The following CDH6 variants were observed in gnomAD, a reference collection of about 807,000 sequenced individuals.
CDH6 encodes the protein cadherin-6.
CDH6 carries 31 observed loss-of-function variants against 78.0 expected under a neutral mutation model. The observed-to-expected ratio is 0.40, with a 90% confidence interval of 0.30 to 0.54. CDH6 has a LOEUF of 0.54. Among genes scored for constraint, CDH6 ranks in the 20% least tolerant of loss-of-function variants. CDH6 has a pLI of 0.56. For missense variants in CDH6, 724 were observed against 975.9 expected, an observed-to-expected ratio of 0.74 and a Z score of 3.44; for synonymous variants, 376 against 368.8, an observed-to-expected ratio of 1.02 and a Z score of -0.23.
chr5:31,218,705 C>T (rs980155306), intron 1 of CDH6, among the ~76,000 whole-genome samples: 1 of 152,166 alleles, frequency 6.6e-6, no homozygotes, highest in Admixed American at 6.5e-5. Context: ...TTTCCCCCTG[C>T]CCAAACTCCA....
At chr5:31,262,230 G>C (rs1742228868) in intron 1 of CDH6, among the ~76,000 whole-genome samples, 1 of 152,218 alleles carries the variant, frequency 6.6e-6, no homozygotes, top group African/African-American at 2.4e-5. Flanking sequence ...GGATATTGAA[G>C]TACATATGCA....
rs1554009977 is a variant in CDH6 at position 31,302,798 on chromosome 5, G to GAAAGAAAGAA, written c.999+501_999+502insAAGAAAGAAA. On this transcript the variant is annotated intron_variant, in intron 6 of 11. Transcript: ENST00000265071. Reference sequence around the variant, plus strand: ...GAAGAAAGAGAGAGAGAGAGAGAGAGAGAAAGAAAGAAAGAAAGAAAGAAA... The same window carrying GAAAGAAAGAA: ...GAAGAAAGAGAGAGAGAGAGAGAGAGAAAGAAAGAAAGAAAGAAAGAAAGAAAGAAAGAAA... Among the ~76,000 whole-genome samples, 9 of 36,596 alleles carry GAAAGAAAGAA rather than the reference G, an allele frequency of 2.5e-4. 1 individual carries two copies. The highest frequency in any genetic ancestry group is 3.0e-4 in the African/African-American group (3 of 9,950). The allele number at this position is 36,596 out of a possible 152,430, so 24.0% of individuals were successfully genotyped here.
intron 11 of CDH6, 159 bp downstream of exon 11, chr5:31,318,083 T>C: frequency 1.1e-6 from 1 of 882,066 alleles, no homozygotes; most frequent in South Asian, 1.4e-5. Context: ...TGTGAACTCA[T>C]TTTTGCTTGC....
At chr5:31,198,524 A>G (rs1418306910) in intron 1 of CDH6, among the ~76,000 whole-genome samples, 1 of 152,200 alleles carries the variant, frequency 6.6e-6, no homozygotes. Context: ...ATATTTCAGC[A>G]CTTGAAAGAA....
intron 1 of CDH6, among the ~76,000 whole-genome samples, chr5:31,203,616 A>T (rs1261670789): frequency 1.3e-5 from 2 of 150,098 alleles, no homozygotes; most frequent in African/African-American, 4.9e-5. Context: ...CATGGTGTAT[A>T]TGTGCCACAT....
chr5:31,285,957 A>G (rs113799469), intron 2 of CDH6, among the ~76,000 whole-genome samples: 1,562 of 152,280 alleles, frequency 0.01, 48 homozygotes, highest in Non-Finnish European at 9.0e-3. Flanking sequence ...GTAATTGATA[A>G]ATTATCTGGC....
intron 7 of CDH6, among the ~76,000 whole-genome samples, chr5:31,312,897 A>C (rs1738196508): frequency 6.6e-6 from 1 of 151,688 alleles, no homozygotes; most frequent in Non-Finnish European, 1.5e-5. Flanking sequence ...GATTTTTAAA[A>C]TTAAATGGAA....
At chr5:31,217,121 T>C (rs1360251417) in intron 1 of CDH6, among the ~76,000 whole-genome samples, 2 of 152,196 alleles carry the variant, frequency 1.3e-5, no homozygotes, top group Non-Finnish European at 2.9e-5. Context: ...TACATTTCTA[T>C]GTTCTGTGTG....
chr5:31,298,137 T>C (rs1391374576), intron 4 of CDH6, among the ~76,000 whole-genome samples: 1 of 152,248 alleles, frequency 6.6e-6, no homozygotes, highest in Non-Finnish European at 1.5e-5. Flanking sequence ...TTTTCTGTTT[T>C]CTGTATTTTC....
At chr5:31,218,839 C>T (rs986103752) in intron 1 of CDH6, among the ~76,000 whole-genome samples, 2 of 152,164 alleles carry the variant, frequency 1.3e-5, no homozygotes, top group Non-Finnish European at 2.9e-5. Flanking sequence ...CAAAAGCTCC[C>T]GTGGTTCCCA....
chr5:31,318,354 G>T, intron 11 of CDH6: 1 of 313,838 alleles, frequency 3.2e-6, no homozygotes, highest in Non-Finnish European at 5.9e-6. Context: ...AGAGGAGTAT[G>T]ATGACTTTTC....
At chr5:31,241,916 C>G (rs1741613691) in intron 1 of CDH6, among the ~76,000 whole-genome samples, 1 of 152,154 alleles carries the variant, frequency 6.6e-6, no homozygotes, top group Non-Finnish European at 1.5e-5. Context: ...CTTCCATTAC[C>G]TTTTTCCACT....
chr5:31,229,870 G>T (rs1741270577), intron 1 of CDH6, among the ~76,000 whole-genome samples: 1 of 152,164 alleles, frequency 6.6e-6, no homozygotes, highest in Admixed American at 6.5e-5. Flanking sequence ...AAGGGACTTT[G>T]CTCTCCATTC....
At chr5:31,282,369 G>A (rs958772077) in intron 2 of CDH6, among the ~76,000 whole-genome samples, 3 of 152,046 alleles carry the variant, frequency 2.0e-5, no homozygotes, top group Non-Finnish European at 4.4e-5. Context: ...AAGCCCAGAA[G>A]CATAGAGACT....
At chr5:31,195,178 C>T (rs998061356) in intron 1 of CDH6, among the ~76,000 whole-genome samples, 2 of 151,972 alleles carry the variant, frequency 1.3e-5, no homozygotes, top group Admixed American at 6.6e-5. Flanking sequence ...GTAAAGCACA[C>T]AGTGGGAAAG....
At chr5:31,233,250 A>G (rs1340688848) in intron 1 of CDH6, among the ~76,000 whole-genome samples, 1 of 152,162 alleles carries the variant, frequency 6.6e-6, no homozygotes, top group East Asian at 1.9e-4. Flanking sequence ...TATAAAAGCT[A>G]AAAGAGAAGA....
intron 2 of CDH6, among the ~76,000 whole-genome samples, chr5:31,292,867 A>G (rs1027838494): frequency 1.2e-4 from 11 of 91,202 alleles, no homozygotes; most frequent in Non-Finnish European, 2.4e-4. Flanking sequence ...ATATATATAT[A>G]TATATATGTA....
At chr5:31,307,444 T>C (rs937905082) in intron 7 of CDH6, among the ~76,000 whole-genome samples, 1 of 152,220 alleles carries the variant, frequency 6.6e-6, no homozygotes, top group Non-Finnish European at 1.5e-5. Flanking sequence ...AAATAAACTC[T>C]TGTTTTAGCA....
chr5:31,245,519 A>T (rs1741719946), intron 1 of CDH6, among the ~76,000 whole-genome samples: 1 of 152,008 alleles, frequency 6.6e-6, no homozygotes, highest in South Asian at 2.1e-4. Flanking sequence ...TGCAATTTCC[A>T]CAACTTGTGT....
Sources: allele counts gnomAD v4.1 joint callset (sites outside exome capture counted in the v4.1 genomes callset), GRCh38; gene constraint gnomAD v4.1.1; transcripts MANE v1.5; gene names NCBI Gene and HGNC (gene_info 2026-07-23, HGNC 2026-07-21).